AGBL4: variants seen among roughly 807,000 people sequenced by gnomAD.
The protein encoded by AGBL4 is cytosolic carboxypeptidase 6.
A neutral mutation model predicts 66.4 loss-of-function variants in AGBL4; 58 were observed. The ratio of observed to expected loss-of-function variants is 0.87; its 90% CI spans 0.71 to 1.09. The LOEUF (loss-of-function observed/expected upper bound fraction) is 1.09, where lower values mean the gene tolerates loss of function less well. Among genes scored for constraint, AGBL4 ranks in the 50% least tolerant of loss-of-function variants. The pLI is 0.00. For missense variants in AGBL4, 579 were observed against 631.0 expected (o/e 0.92, Z 0.88); for synonymous variants, 234 against 222.9 (o/e 1.05, Z -0.44).
intron 6 of AGBL4, among the ~76,000 whole-genome samples, chr1:48,704,677 T>C (rs530157711): frequency 5.9e-5 from 9 of 152,244 alleles, no homozygotes; most frequent in Admixed American, 3.3e-4. Flanking sequence ...CTCCACATCT[T>C]GTGACACGGG....
At chr1:49,514,129 T>A (rs1649533964) in intron 3 of AGBL4, among the ~76,000 whole-genome samples, 1 of 151,868 alleles carries the variant, frequency 6.6e-6, no homozygotes, top group Non-Finnish European at 1.5e-5. Context: ...GCTGAGACAA[T>A]GGGGTTTTCT....
chr1:48,644,078 G>C (rs1213961586), intron 8 of AGBL4, among the ~76,000 whole-genome samples: 3 of 152,144 alleles, frequency 2.0e-5, no homozygotes, highest in African/African-American at 7.2e-5. Flanking sequence ...AATAGAATGA[G>C]AGTAGGAGCA....
intron 6 of AGBL4, among the ~76,000 whole-genome samples, chr1:48,783,583 G>C (rs1645345933): frequency 6.6e-6 from 1 of 152,122 alleles, no homozygotes; most frequent in African/African-American, 2.4e-5. Context: ...GTAACTTTAG[G>C]CAAGACAATT....
intron 9 of AGBL4, among the ~76,000 whole-genome samples, chr1:48,608,810 T>G (rs186640765): frequency 1.3e-5 from 2 of 152,176 alleles, no homozygotes; most frequent in East Asian, 3.9e-4. Flanking sequence ...GAGTCAGCAC[T>G]AAAAGAAAGT....
At chr1:49,364,555 G>A (rs1644206262) in intron 3 of AGBL4, among the ~76,000 whole-genome samples, 1 of 151,532 alleles carries the variant, frequency 6.6e-6, no homozygotes, top group Non-Finnish European at 1.5e-5. Context: ...TCAGCTTGCT[G>A]CAACCTCTGC....
At chr1:48,702,620 A>G (rs1226743927) in intron 6 of AGBL4, among the ~76,000 whole-genome samples, 2 of 152,222 alleles carry the variant, frequency 1.3e-5, no homozygotes, top group East Asian at 3.9e-4. Flanking sequence ...ATTCACTCAG[A>G]AATGGCAACT....
intron 3 of AGBL4, among the ~76,000 whole-genome samples, chr1:49,502,999 C>A (rs992351372): frequency 6.6e-6 from 1 of 152,096 alleles, no homozygotes; most frequent in African/African-American, 2.4e-5. Flanking sequence ...GGGAAAAATG[C>A]TTCCAGGGCA....
chr1:49,929,635 T>C (rs1653133567), intron 1 of AGBL4, among the ~76,000 whole-genome samples: 1 of 151,794 alleles, frequency 6.6e-6, no homozygotes, highest in Non-Finnish European at 1.5e-5. Context: ...CAGTCCTTCA[T>C]TACCAATAAA....
chr1:49,883,566 G>C (rs905045968), intron 1 of AGBL4, among the ~76,000 whole-genome samples: 6 of 151,862 alleles, frequency 4.0e-5, no homozygotes, highest in Non-Finnish European at 8.8e-5. Context: ...CATAATGCTT[G>C]GCACAATGTC....
At chr1:48,814,194 T>A (rs1031146709) in intron 6 of AGBL4, among the ~76,000 whole-genome samples, 9 of 152,280 alleles carry the variant, frequency 5.9e-5, no homozygotes, top group East Asian at 3.9e-4. Flanking sequence ...TGAATCTCTT[T>A]GCTCTTCTCT....
At chr1:48,624,791 C>T (rs1008895513) in intron 9 of AGBL4, among the ~76,000 whole-genome samples, 5 of 152,212 alleles carry the variant, frequency 3.3e-5, no homozygotes, top group African/African-American at 4.8e-5. Flanking sequence ...CTAAAGAGTA[C>T]GGAGGATTTT....
At chr1:48,921,662 A>T (rs1048900023) in intron 5 of AGBL4, among the ~76,000 whole-genome samples, 2 of 152,196 alleles carry the variant, frequency 1.3e-5, no homozygotes, top group Non-Finnish European at 2.9e-5. Context: ...CAATACAAGT[A>T]GTCACAATAG....
At chr1:49,511,534 A>G in intron 3 of AGBL4, among the ~76,000 whole-genome samples, 1 of 151,328 alleles carries the variant, frequency 6.6e-6, no homozygotes, top group Non-Finnish European at 1.5e-5. Flanking sequence ...GCAGCACACC[A>G]GCATGGCACA....
intron 1 of AGBL4, among the ~76,000 whole-genome samples, chr1:50,007,761 G>A (rs565232480): frequency 1.4e-4 from 21 of 151,880 alleles, no homozygotes; most frequent in Non-Finnish European, 2.9e-4. Context: ...GTGAGACCCT[G>A]TCCAAATAAA....
chr1:49,442,454 A>G (rs1646055504), intron 3 of AGBL4, among the ~76,000 whole-genome samples: 1 of 152,132 alleles, frequency 6.6e-6, no homozygotes. Flanking sequence ...TTTCCATTCT[A>G]TCTCCCTGTG....
At position 49,242,842 on chromosome 1, in the gene AGBL4, A is replaced by G. The variant is rs917130977; in HGVS notation, c.377+2928T>C. ...GCAGAACAGCCTTGAATGGCCACAT[A>G]TTTACATAATGGTTTTCCAGTTGTA... On this transcript the variant is annotated intron_variant, in intron 4 of 13. Transcript: ENST00000371839. Among the ~76,000 whole-genome samples the G allele has an allele frequency of 5.3e-5, 8 of 151,738 alleles. No individual in the cohort carries two copies. The Admixed American group carries it at 5.3e-4, about 10-fold the overall frequency.
At chr1:49,226,337 G>T (rs1196075472) in intron 4 of AGBL4, among the ~76,000 whole-genome samples, 3 of 152,098 alleles carry the variant, frequency 2.0e-5, no homozygotes, top group African/African-American at 7.2e-5. Flanking sequence ...AATATTTAGG[G>T]AAATTAGACA....
intron 4 of AGBL4, among the ~76,000 whole-genome samples, chr1:49,090,819 G>A (rs1191739881): frequency 2.0e-5 from 3 of 152,184 alleles, no homozygotes; most frequent in Admixed American, 6.5e-5. Context: ...GAGGCATCAC[G>A]TTACCTGACT....
chr1:49,785,070 T>G (rs946874662), intron 2 of AGBL4, among the ~76,000 whole-genome samples: 1 of 152,074 alleles, frequency 6.6e-6, no homozygotes, highest in Non-Finnish European at 1.5e-5. Context: ...AGTGGCAACT[T>G]AATAAACCAA....
Sources: gnomAD v4.1 joint callset for allele counts (sites outside exome capture counted in the v4.1 genomes callset) on GRCh38, gnomAD v4.1.1 for gene constraint, MANE v1.5 for transcripts, NCBI Gene and HGNC (gene_info 2026-07-23, HGNC 2026-07-21) for gene names.